The following PRELID2 variants were observed in gnomAD, a reference collection of about 807,000 sequenced individuals.
The protein encoded by PRELID2 is PRELI domain-containing protein 2.
PRELID2 carries 25 observed loss-of-function variants against 28.4 expected under a neutral mutation model. The ratio of observed to expected loss-of-function variants is 0.88; its 90% CI spans 0.64 to 1.23. The LOEUF (loss-of-function observed/expected upper bound fraction) is 1.23, where lower values mean the gene tolerates loss of function less well. PRELID2 is among the 50% of genes most tolerant of loss of function. The pLI is 0.00. For missense variants in PRELID2, 201 were observed against 214.4 expected (o/e 0.94, Z 0.39); for synonymous variants, 76 against 71.6 (o/e 1.06, Z -0.31).
In PRELID2 at chr5:145,817,794, A is replaced by G. The variant is rs1032460119; in HGVS notation, c.368+100T>C. ...ATAATGTGGAATTTGTATGAGTTATAAACAGTGGTCATAAGTATAGAACCA... is the reference window on the plus strand; with the variant it reads ...ATAATGTGGAATTTGTATGAGTTATGAACAGTGGTCATAAGTATAGAACCA... On this transcript the variant is annotated intron_variant, in intron 4 of 6. Transcript: ENST00000683046. The G allele has an allele frequency of 7.0e-6, 7 of 1,007,134 alleles. No individual in the cohort carries two copies. In the Admixed American group the frequency reaches 1.2e-4, roughly 17 times the overall value. 62.4% of individuals were successfully genotyped at this position (1,007,134 alleles called of 1,614,324 possible).
chr5:145,490,897 C>G (rs1388025432), intron 1 of PRELID2, among the ~76,000 whole-genome samples: 1 of 149,838 alleles, frequency 6.7e-6, no homozygotes, highest in African/African-American at 2.5e-5. Flanking sequence ...ACAGTCCCCA[C>G]CCCCCCATCA....
At chr5:145,366,321 C>T in the PRELID2 span, among the ~76,000 whole-genome samples, 6 of 151,734 alleles carry the variant, frequency 4.0e-5, no homozygotes, top group African/African-American at 7.3e-5. Context: ...TTTGCATGCA[C>T]GTTTATACCT....
chr5:145,541,977 T>C (rs1752748380), intron 1 of PRELID2, among the ~76,000 whole-genome samples: 1 of 152,024 alleles, frequency 6.6e-6, no homozygotes, highest in South Asian at 2.1e-4. Context: ...AAGAAATTCA[T>C]GATAAGTAAA....
At chr5:145,394,436 G>A in the PRELID2 span, among the ~76,000 whole-genome samples, 1 of 139,384 alleles carries the variant, frequency 7.2e-6, no homozygotes, top group East Asian at 2.5e-4. Flanking sequence ...ACTGTTGTGG[G>A]GTCGGGGGAG....
At chr5:145,360,499 A>G in the PRELID2 span, among the ~76,000 whole-genome samples, 1 of 152,182 alleles carries the variant, frequency 6.6e-6, no homozygotes, top group Non-Finnish European at 1.5e-5. Flanking sequence ...CAGAACAGAG[A>G]GGGCTGCAAT....
chr5:145,414,086 C>A, the PRELID2 span, among the ~76,000 whole-genome samples: 6 of 152,130 alleles, frequency 3.9e-5, no homozygotes, highest in Admixed American at 2.6e-4. Context: ...TTTGCCCCTA[C>A]TGTTATCTGA....
chr5:145,715,696 T>C (rs1258748025), intron 1 of PRELID2, among the ~76,000 whole-genome samples: 2 of 152,280 alleles, frequency 1.3e-5, no homozygotes, highest in African/African-American at 2.4e-5. Context: ...CCACACTGGC[T>C]TCCACCTTAA....
chr5:145,422,119 C>A, the PRELID2 span, among the ~76,000 whole-genome samples: 9 of 141,344 alleles, frequency 6.4e-5, no homozygotes, highest in African/African-American at 1.1e-4. Flanking sequence ...AATTTCTGTT[C>A]TTTTACATTT....
At chr5:145,797,751 A>G (rs531053850) in intron 4 of PRELID2, among the ~76,000 whole-genome samples, 31 of 152,096 alleles carry the variant, frequency 2.0e-4, no homozygotes, top group Non-Finnish European at 4.4e-4. Flanking sequence ...AAGCCAGTCC[A>G]TAAGACTGGG....
chr5:145,776,596 G>A lies in PRELID2; in HGVS notation c.475-11596C>T, dbSNP rs762817620. Among the ~76,000 whole-genome samples the A allele has an allele frequency of 2.6e-5, 4 of 152,328 alleles. No individual in the cohort carries two copies. The East Asian group carries it at 5.8e-4, about 22-fold the overall frequency. ...TATGTAGAGTTCCATACTATCCACCGTTTCAGGCACCCACTGGGGGTCTTG... is the reference window on the plus strand; with the variant it reads ...TATGTAGAGTTCCATACTATCCACCATTTCAGGCACCCACTGGGGGTCTTG... On this transcript the variant is annotated intron_variant, in intron 5 of 6. Transcript: ENST00000683046.
In PRELID2 at chr5:145,581,475, C is replaced by G. The variant is rs146337724; in HGVS notation, n.71-108160G>C. On this transcript the variant is annotated intron_variant and non_coding_transcript_variant, in intron 1 of 2. Coordinates refer to the PRELID2 transcript ENST00000510259. ...TGCATTAATGCAGTAAGACAAGTCT[C>G]TTGCAGGTTTTTAATCTCCCCACAT... 1.5e-4 allele frequency among the ~76,000 whole-genome samples: 23 copies of G among 152,170 alleles called. No homozygotes were observed. The East Asian group carries it at 4.3e-3, about 28-fold the overall frequency.
chr5:145,626,424 C>T (rs1406016661), intron 1 of PRELID2, among the ~76,000 whole-genome samples: 2 of 152,120 alleles, frequency 1.3e-5, no homozygotes, highest in African/African-American at 4.8e-5. Flanking sequence ...TGAAAAAATA[C>T]ACAACGTCGC....
the PRELID2 span, among the ~76,000 whole-genome samples, chr5:145,445,486 C>A: frequency 6.6e-6 from 1 of 151,692 alleles, no homozygotes; most frequent in African/African-American, 2.4e-5. Flanking sequence ...ATGAATAAGA[C>A]CTCAAAAGCA....
intron 1 of PRELID2, among the ~76,000 whole-genome samples, chr5:145,507,405 T>C (rs1752421320): frequency 6.6e-6 from 1 of 152,156 alleles, no homozygotes; most frequent in Non-Finnish European, 1.5e-5. Flanking sequence ...AACACTTCCC[T>C]GAAGTTGGAG....
At chr5:145,544,931 T>A (rs568001217) in intron 1 of PRELID2, among the ~76,000 whole-genome samples, 1 of 152,118 alleles carries the variant, frequency 6.6e-6, no homozygotes. Flanking sequence ...CAAACTTTAG[T>A]TGCATTCAAT....
the PRELID2 span, among the ~76,000 whole-genome samples, chr5:145,395,202 A>G: frequency 4.0e-5 from 6 of 151,554 alleles, no homozygotes; most frequent in Non-Finnish European, 8.8e-5. Flanking sequence ...CTCGCCTAGA[A>G]CTGGACATTG....
the PRELID2 span, among the ~76,000 whole-genome samples, chr5:145,337,097 A>G: frequency 2.6e-5 from 4 of 151,430 alleles, no homozygotes; most frequent in African/African-American, 9.8e-5. Flanking sequence ...ATGTACCCTA[A>G]AACTTGAAGT....
At chr5:145,317,205 T>C in the PRELID2 span, among the ~76,000 whole-genome samples, 2 of 152,186 alleles carry the variant, frequency 1.3e-5, no homozygotes, top group Non-Finnish European at 2.9e-5. Flanking sequence ...CCCACAATGG[T>C]CCTTTGAGAA....
At chr5:145,793,106 G>A (rs949291375) in intron 5 of PRELID2, among the ~76,000 whole-genome samples, 4 of 152,136 alleles carry the variant, frequency 2.6e-5, no homozygotes, top group Non-Finnish European at 5.9e-5. Context: ...TCTGACTGGT[G>A]TGTGAAAAGT....
Sources: allele counts gnomAD v4.1 joint callset (sites outside exome capture counted in the v4.1 genomes callset), GRCh38; gene constraint gnomAD v4.1.1; transcripts MANE v1.5; gene names NCBI Gene and HGNC (gene_info 2026-07-23, HGNC 2026-07-21).